Variants in SCHIP1 observed in about 807,000 individuals in gnomAD.
SCHIP1 encodes schwannomin interacting protein 1, also known as schwannomin-interacting protein 1.
A neutral mutation model predicts 29.7 loss-of-function variants in SCHIP1; 8 were observed. That is an observed-to-expected ratio of 0.27 (90% CI 0.16 to 0.49). The LOEUF is 0.49. SCHIP1 is among the 20% of genes least tolerant of loss of function. SCHIP1 has a pLI of 0.99. For synonymous variants in SCHIP1, 76 were observed against 94.9 expected (o/e 0.80, Z 1.16); for missense variants, 193 against 294.6 (o/e 0.66, Z 2.52).
At chr3:159,622,702 A>G in the SCHIP1 span, among the ~76,000 whole-genome samples, 2 of 152,106 alleles carry the variant, frequency 1.3e-5, no homozygotes, top group Non-Finnish European at 2.9e-5. Context: ...GTGGATCACG[A>G]GGTCAGGAGA....
the SCHIP1 span, among the ~76,000 whole-genome samples, chr3:159,314,487 G>C: frequency 3.3e-5 from 5 of 152,192 alleles, no homozygotes; most frequent in African/African-American, 1.2e-4. Flanking sequence ...AGATATGAGA[G>C]GAAGCATGCT....
chr3:159,806,755 C>T, the SCHIP1 span, among the ~76,000 whole-genome samples: 1 of 152,338 alleles, frequency 6.6e-6, no homozygotes, highest in South Asian at 2.1e-4. Context: ...CCTCCACTCG[C>T]GTGGTGCCTG....
At chr3:159,633,832 T>A in the SCHIP1 span, among the ~76,000 whole-genome samples, 1 of 152,058 alleles carries the variant, frequency 6.6e-6, no homozygotes, top group Non-Finnish European at 1.5e-5. Context: ...CAATCAGATA[T>A]CTGATGTGAT....
the SCHIP1 span, among the ~76,000 whole-genome samples, chr3:159,734,951 G>A: frequency 6.6e-6 from 1 of 151,932 alleles, no homozygotes; most frequent in Non-Finnish European, 1.5e-5. Flanking sequence ...CCAACTCACT[G>A]GGAAACCCAT....
chr3:159,766,198 T>C, the SCHIP1 span, among the ~76,000 whole-genome samples: 1 of 152,112 alleles, frequency 6.6e-6, no homozygotes, highest in East Asian at 1.9e-4. Flanking sequence ...GGGAAAATGC[T>C]TGCCTTGCGG....
At chr3:159,294,347 A>G in the SCHIP1 span, among the ~76,000 whole-genome samples, 1 of 152,204 alleles carries the variant, frequency 6.6e-6, no homozygotes. Context: ...AATATAATCA[A>G]GTTGATTTGG....
the SCHIP1 span, among the ~76,000 whole-genome samples, chr3:159,680,643 A>AT: frequency 1.1e-5 from 1 of 88,160 alleles, no homozygotes; most frequent in South Asian, 2.8e-4. Context: ...TATATATTAT[A>AT]TAATATATGT....
intron 2 of SCHIP1, among the ~76,000 whole-genome samples, chr3:159,884,170 C>T (rs1252334253): frequency 2.0e-5 from 3 of 152,014 alleles, no homozygotes; most frequent in African/African-American, 7.3e-5. Context: ...TTTTAATTTG[C>T]TAACAGCTTT....
At chr3:159,311,769 ACT>A in the SCHIP1 span, among the ~76,000 whole-genome samples, 1 of 152,116 alleles carries the variant, frequency 6.6e-6, no homozygotes, top group Non-Finnish European at 1.5e-5. Context: ...AACTTCAAAT[ACT>A]CATAAATTAT....
At chr3:159,404,196 G>C in the SCHIP1 span, among the ~76,000 whole-genome samples, 3 of 152,160 alleles carry the variant, frequency 2.0e-5, no homozygotes, top group African/African-American at 7.2e-5. Context: ...GTGCGACCCA[G>C]CACATTCCTA....
the SCHIP1 span, among the ~76,000 whole-genome samples, chr3:159,450,916 C>T: frequency 6.7e-6 from 1 of 149,526 alleles, no homozygotes; most frequent in African/African-American, 2.5e-5. Flanking sequence ...TCACACCATT[C>T]TCCTGCCTCA....
the SCHIP1 span, among the ~76,000 whole-genome samples, chr3:159,802,853 T>C: frequency 7.2e-5 from 11 of 152,302 alleles, no homozygotes; most frequent in African/African-American, 2.6e-4. Flanking sequence ...TCAGGAGTCT[T>C]AAGGCAGGTT....
At chr3:159,523,530 G>A in the SCHIP1 span, among the ~76,000 whole-genome samples, 9 of 152,148 alleles carry the variant, frequency 5.9e-5, 1 homozygote, top group Non-Finnish European at 1.3e-4. Context: ...AAGAGGAATC[G>A]ATGTCTGATA....
chr3:159,743,380 A>C, the SCHIP1 span, among the ~76,000 whole-genome samples: 3 of 152,238 alleles, frequency 2.0e-5, no homozygotes, highest in Non-Finnish European at 4.4e-5. Flanking sequence ...ATACCATGGA[A>C]TACTAGTCAG....
chr3:159,723,404 A>G, the SCHIP1 span, among the ~76,000 whole-genome samples: 1 of 152,188 alleles, frequency 6.6e-6, no homozygotes, highest in Non-Finnish European at 1.5e-5. Flanking sequence ...TTTTCTCCAG[A>G]AATAGAAAAG....
the SCHIP1 span, among the ~76,000 whole-genome samples, chr3:159,598,075 C>T: frequency 6.6e-6 from 1 of 152,128 alleles, no homozygotes; most frequent in Admixed American, 6.6e-5. Context: ...GGAAAACTGA[C>T]CCCATGATCC....
the SCHIP1 span, among the ~76,000 whole-genome samples, chr3:159,282,167 T>A: frequency 6.6e-6 from 1 of 152,070 alleles, no homozygotes; most frequent in Admixed American, 6.6e-5. Context: ...GAGATTACTG[T>A]AAGTATAATA....
chr3:159,625,392 C>G, the SCHIP1 span, among the ~76,000 whole-genome samples: 1 of 152,140 alleles, frequency 6.6e-6, no homozygotes, highest in Non-Finnish European at 1.5e-5. Flanking sequence ...GAGAGTCACC[C>G]TTATTAACCA....
chr3:159,737,224 A>G, the SCHIP1 span, among the ~76,000 whole-genome samples: 10 of 152,112 alleles, frequency 6.6e-5, no homozygotes, highest in African/African-American at 2.4e-4. Flanking sequence ...CCCTGACTTT[A>G]TCACTTCTAT....
Sources: gnomAD v4.1 joint callset for allele counts (sites outside exome capture counted in the v4.1 genomes callset) on GRCh38, gnomAD v4.1.1 for gene constraint, MANE v1.5 for transcripts, NCBI Gene and HGNC (gene_info 2026-07-23, HGNC 2026-07-21) for gene names.